The following LNPEP variants were observed in gnomAD, a reference collection of about 807,000 sequenced individuals.
LNPEP encodes leucyl-cystinyl aminopeptidase.
A neutral mutation model predicts 120.6 loss-of-function variants in LNPEP; 64 were observed. That is an observed-to-expected ratio of 0.53 (90% CI 0.43 to 0.65). The LOEUF is 0.65. Among genes scored for constraint, LNPEP ranks in the 30% least tolerant of loss-of-function variants. LNPEP has a pLI of 0.00. For synonymous variants in LNPEP, 435 were observed against 425.4 expected (o/e 1.02, Z -0.28); for missense variants, 1,057 against 1,200.0 (o/e 0.88, Z 1.76).
intron 1 of LNPEP, among the ~76,000 whole-genome samples, chr5:96,977,363 A>G (rs1199434841): frequency 6.6e-6 from 1 of 151,782 alleles, no homozygotes; most frequent in Non-Finnish European, 1.5e-5. Context: ...AGAAAAGAAA[A>G]AGAGACATGT....
intron 1 of LNPEP, among the ~76,000 whole-genome samples, chr5:96,940,017 A>G (rs1176215194): frequency 3.3e-5 from 5 of 152,206 alleles, no homozygotes; most frequent in Non-Finnish European, 7.3e-5. Context: ...GTGATGGAAT[A>G]TAAGTTAAAT....
chr5:97,015,010 C>T lies in LNPEP; in HGVS notation c.2291C>T (p.Pro764Leu). The T allele has an allele frequency of 1.2e-6, 2 of 1,603,702 alleles. No individual in the cohort carries two copies. The highest frequency in any genetic ancestry group is 1.7e-6 in the Non-Finnish European group (2 of 1,174,214). The part of the protein sequence containing the change: ...NYLGNENHTA[P>L]ITEALFQTDL... ...CTTGGAAATGAGAACCATACTGCAC[C>T]CATCACCGAAGCCCTGTTTCAGACA... The change falls in exon 13 of 18, where the codon CCC becomes CTC. Residue 764 changes from proline to leucine, a missense_variant. Transcript: ENST00000231368.
At chr5:96,970,958 C>G (rs1351558767) in intron 1 of LNPEP, among the ~76,000 whole-genome samples, 1 of 152,060 alleles carries the variant, frequency 6.6e-6, no homozygotes, top group East Asian at 1.9e-4. Flanking sequence ...CTGGTATTCT[C>G]TCCTTCCTGA....
intron 13 of LNPEP, among the ~76,000 whole-genome samples, chr5:97,018,916 C>T (rs1165175329): frequency 6.6e-6 from 1 of 152,186 alleles, no homozygotes; most frequent in African/African-American, 2.4e-5. Flanking sequence ...CTGATGTTAA[C>T]ATCTGATCCT....
At chr5:96,992,888 TTCTA>T (rs1159182695) in intron 4 of LNPEP, 123 bp from the exon 5 acceptor site, 1 of 625,592 alleles carries the variant, frequency 1.6e-6, no homozygotes, top group Non-Finnish European at 2.6e-6. Flanking sequence ...AAGCAAGTGT[TTCTA>T]TCCAGAAGGA....
chr5:96,992,925 T>C (rs1413839489), intron 4 of LNPEP, 90 bp from the exon 5 acceptor site: 5 of 898,648 alleles, frequency 5.6e-6, no homozygotes, highest in Non-Finnish European at 8.2e-6. Flanking sequence ...CTATAGAATT[T>C]TCAGATATGC....
intron 12 of LNPEP, among the ~76,000 whole-genome samples, chr5:97,014,598 T>C (rs1791016870): frequency 2.6e-5 from 4 of 152,138 alleles, no homozygotes; most frequent in Admixed American, 2.6e-4. Context: ...ATACTCTCTT[T>C]CCTGGCAAAT....
At chr5:96,949,828 A>G (rs980969703) in intron 1 of LNPEP, among the ~76,000 whole-genome samples, 1 of 152,248 alleles carries the variant, frequency 6.6e-6, no homozygotes, top group African/African-American at 2.4e-5. Flanking sequence ...TGAGAGTAAT[A>G]TTACTCCAAA....
At position 96,996,441 on chromosome 5, in the gene LNPEP, G is replaced by A. The variant is rs1435245618; in HGVS notation, c.1459G>A (p.Glu487Lys). 11 of 1,612,238 alleles carry A rather than the reference G, an allele frequency of 6.8e-6. No individual in the cohort carries two copies. Among genetic ancestry groups the A allele is most frequent in the Non-Finnish European group, 8.5e-6 (10 of 1,178,662 alleles). Residue 487 changes from glutamate (E) to lysine (K), a missense_variant, in exon 7 of 18, where the codon GAA becomes AAA. Transcript: ENST00000231368. ...GTGGTGGAATGACCTATGGCTAAAT[G>A]AAGGTTTTGCCACTTTCATGGAGTA... ...MKWWNDLWLN[E>K]GFATFMEYFS...
intron 8 of LNPEP, 63 bp from the exon 9 acceptor site, chr5:97,003,352 C>A: frequency 1.0e-6 from 1 of 972,510 alleles, no homozygotes; most frequent in South Asian, 2.0e-5. Flanking sequence ...TTTAGATTCC[C>A]AATTCGATAA....
chr5:97,016,468 A>G (rs1791073131), intron 13 of LNPEP, among the ~76,000 whole-genome samples: 1 of 152,166 alleles, frequency 6.6e-6, no homozygotes, highest in African/African-American at 2.4e-5. Context: ...TAGCTTCTTT[A>G]AAGTCACTTA....
intron 1 of LNPEP, among the ~76,000 whole-genome samples, chr5:96,950,582 G>A (rs7719705): frequency 0.37 from 56,536 of 152,034 alleles, 10,685 homozygotes; most frequent in Non-Finnish European, 0.42. Flanking sequence ...ATTAGTTGAC[G>A]TAACAAAATA....
intron 1 of LNPEP, among the ~76,000 whole-genome samples, chr5:96,955,441 C>T (rs1789443672): frequency 6.6e-6 from 1 of 152,080 alleles, no homozygotes; most frequent in South Asian, 2.1e-4. Flanking sequence ...AAGGCGATAG[C>T]CCATCTCTAC....
At chr5:96,983,652 G>T (rs1790176455) in intron 2 of LNPEP, among the ~76,000 whole-genome samples, 1 of 152,074 alleles carries the variant, frequency 6.6e-6, no homozygotes, top group Non-Finnish European at 1.5e-5. Context: ...TCACCATGTT[G>T]GCCAGGCTGG....
At chr5:97,008,439 C>G (rs1270045980) in intron 11 of LNPEP, among the ~76,000 whole-genome samples, 1 of 129,942 alleles carries the variant, frequency 7.7e-6, no homozygotes, top group African/African-American at 2.8e-5. Flanking sequence ...CAGCCTCAAA[C>G]CCCTGGGTTC....
Position 97,030,124 on chromosome 5 carries a change from A to C in LNPEP, c.*1591A>C, listed in dbSNP as rs1330355838. 2 of 151,950 alleles carry C rather than the reference A, an allele frequency of 1.3e-5. No homozygotes were observed. The highest frequency in any genetic ancestry group is 2.9e-5 in the Non-Finnish European group (2 of 67,968). 9.4% of individuals were successfully genotyped at this position (151,950 alleles called of 1,614,324 possible). On this transcript the variant is annotated 3_prime_UTR_variant, in exon 18 of 18. Coordinates refer to ENST00000231368, the MANE Select transcript of LNPEP (RefSeq NM_005575.3). ...GAATAAAATTATATTTTATTTTATGAAAATATTTTTATATAATAAAATTTA... is the reference window on the plus strand; with the variant it reads ...GAATAAAATTATATTTTATTTTATGCAAATATTTTTATATAATAAAATTTA...
chr5:96,955,753 ACT>A (rs1789453702), intron 1 of LNPEP, among the ~76,000 whole-genome samples: 1 of 152,124 alleles, frequency 6.6e-6, no homozygotes, highest in Admixed American at 6.5e-5. Context: ...TGCTATGAAC[ACT>A]CTAGTATAAG....
Position 97,032,041 on chromosome 5 carries a change from A to G in LNPEP, c.*3508A>G, listed in dbSNP as rs1438218460. On this transcript the variant is annotated 3_prime_UTR_variant, in exon 18 of 18. Transcript: ENST00000231368. ...AACATTCACATAATCCCCATGTTTC[A>G]TGGGGCTTCAGGGAAGGCAAATACA... The G allele has an allele frequency of 6.6e-6, 1 of 152,180 alleles. No homozygotes were observed. The highest frequency in any genetic ancestry group is 1.5e-5 in the Non-Finnish European group (1 of 68,032). 9.4% of individuals were successfully genotyped at this position (152,180 alleles called of 1,614,324 possible).
chr5:96,997,944 C>A, intron 7 of LNPEP, 70 bp from the exon 8 acceptor site: 1 of 1,126,080 alleles, frequency 8.9e-7, no homozygotes, highest in Non-Finnish European at 1.3e-6. Context: ...GTCTAATTCA[C>A]ATAAATAATT....
Sources: allele counts gnomAD v4.1 joint callset (sites outside exome capture counted in the v4.1 genomes callset), GRCh38; gene constraint gnomAD v4.1.1; transcripts MANE v1.5; gene names NCBI Gene and HGNC (gene_info 2026-07-23, HGNC 2026-07-21).